Variants in ATP8B4 observed in about 807,000 individuals in gnomAD.
ATP8B4 encodes the protein ATPase phospholipid transporting 8B4 (putative).
Under a neutral mutation model 145.6 loss-of-function variants are expected in ATP8B4, and 133 were observed. That is an observed-to-expected ratio of 0.91 (90% confidence interval 0.79 to 1.05). The LOEUF is 1.05. Ranked by LOEUF, ATP8B4 falls within the 50% of genes least tolerant of loss-of-function variation. The pLI is 0.00. For synonymous variants in ATP8B4, 507 were observed against 492.9 expected (o/e 1.03, Z -0.38); for missense variants, 1,458 against 1,425.2 (o/e 1.02, Z -0.37).
At position 50,140,817 on chromosome 15, in the gene ATP8B4, C is replaced by G. The variant is rs2044196448; in HGVS notation, c.-42-33809G>C. ...ACATAGGGACTTTTAGGCCCCACTC[C>G]TGGAGATTCGAATTCTGTAGTTCTG... is the stretch of plus-strand genomic sequence containing the variant. On this transcript the variant is annotated intron_variant, in intron 1 of 3. Coordinates refer to the ATP8B4 transcript ENST00000558829. Among the ~76,000 whole-genome samples, 3 of 152,206 alleles carry G rather than the reference C, an allele frequency of 2.0e-5. No homozygotes were observed. In the South Asian group the frequency reaches 6.2e-4, roughly 31 times the overall value.
intron 13 of ATP8B4, among the ~76,000 whole-genome samples, chr15:49,962,354 T>C (rs2153508801): frequency 6.6e-6 from 1 of 152,354 alleles, no homozygotes; most frequent in South Asian, 2.1e-4. Context: ...TTCCACATCA[T>C]TCCCACTGTT....
At chr15:49,935,862 G>A (rs1332301301) in intron 14 of ATP8B4, among the ~76,000 whole-genome samples, 1 of 151,886 alleles carries the variant, frequency 6.6e-6, no homozygotes, top group African/African-American at 2.4e-5. Flanking sequence ...GATTATTTCT[G>A]CAACTCTAAG....
intron 6 of ATP8B4, chr15:50,019,114 A>T: frequency 2.1e-6 from 1 of 470,474 alleles, no homozygotes; most frequent in South Asian, 1.6e-5. Context: ...TTTTAGGAAC[A>T]ATCTTGACAC....
intron 1 of ATP8B4, among the ~76,000 whole-genome samples, chr15:50,114,103 CTTTTT>C (rs755159123): frequency 2.0e-4 from 11 of 55,656 alleles, no homozygotes; most frequent in East Asian, 5.9e-4. Context: ...CTCCTAGTTT[CTTTTT>C]TTTTTTTTTT....
intron 13 of ATP8B4, among the ~76,000 whole-genome samples, chr15:49,972,125 C>G (rs561156488): frequency 6.6e-6 from 1 of 151,872 alleles, no homozygotes; most frequent in Non-Finnish European, 1.5e-5. Context: ...AGTGTTGGGA[C>G]GTGGGAGGCT....
chr15:50,018,721 G>A (rs1465285962), intron 6 of ATP8B4, among the ~76,000 whole-genome samples: 1 of 152,158 alleles, frequency 6.6e-6, no homozygotes, highest in Non-Finnish European at 1.5e-5. Flanking sequence ...CATAAATGGT[G>A]AGCTCATCCG....
intron 3 of ATP8B4, among the ~76,000 whole-genome samples, chr15:50,047,834 A>G (rs535133873): frequency 6.6e-5 from 10 of 152,074 alleles, no homozygotes; most frequent in Non-Finnish European, 1.5e-4. Flanking sequence ...CATCTGGTCC[A>G]CCTTCCCAAA....
At chr15:49,887,554 C>T (rs1390966905) in intron 23 of ATP8B4, among the ~76,000 whole-genome samples, 3 of 151,900 alleles carry the variant, frequency 2.0e-5, no homozygotes. Context: ...CCTCTGCCTC[C>T]AAAATATTTG....
intron 23 of ATP8B4, among the ~76,000 whole-genome samples, chr15:49,884,628 A>G (rs982864203): frequency 1.2e-4 from 18 of 151,540 alleles, no homozygotes; most frequent in African/African-American, 4.8e-5. Flanking sequence ...AAAAAAAAAA[A>G]AAAGAAAGTT....
intron 23 of ATP8B4, among the ~76,000 whole-genome samples, chr15:49,882,898 T>C (rs773145982): frequency 6.6e-6 from 1 of 152,210 alleles, no homozygotes; most frequent in Non-Finnish European, 1.5e-5. Context: ...ATTTATATAC[T>C]TTTTAATATA....
chr15:49,993,407 T>A (rs4627270), intron 9 of ATP8B4, among the ~76,000 whole-genome samples: 99,598 of 151,898 alleles, frequency 0.66, 34,127 homozygotes, highest in East Asian at 0.99. Flanking sequence ...ATATTAAAAT[T>A]GAAATGTGTA....
intron 1 of ATP8B4, among the ~76,000 whole-genome samples, chr15:50,142,371 C>T (rs948959058): frequency 8.6e-5 from 13 of 151,996 alleles, no homozygotes; most frequent in Admixed American, 7.2e-4. Context: ...CGAAAGGTAC[C>T]CAACTGTATA....
chr15:50,148,979 T>A (rs758607331), intron 1 of ATP8B4, among the ~76,000 whole-genome samples: 57 of 152,344 alleles, frequency 3.7e-4, no homozygotes, highest in South Asian at 1.2e-3. Flanking sequence ...GTACTTAGTA[T>A]GTATCTCAAA....
rs1438818916 is a variant in ATP8B4, at chr15:50,010,877, T to C, written c.403A>G (p.Ile135Val). ...AATTGGTTATTTTCTAATTTAATGA[T>C]GTCTCCCACTTTGACATTCATCCAT... The part of the protein sequence containing the change: ...EKWMNVKVGD[I>V]IKLENNQFVA... Residue 135 changes from isoleucine (I) to valine (V), a missense_variant, in exon 7 of 28, where the codon ATC becomes GTC. Transcript: ENST00000284509. 6.4e-7 allele frequency: 1 copy of C among 1,565,396 alleles called. No homozygotes were observed.
At chr15:50,094,709 C>A (rs994709723) in intron 2 of ATP8B4, among the ~76,000 whole-genome samples, 9 of 94,794 alleles carry the variant, frequency 9.5e-5, no homozygotes, top group East Asian at 9.2e-4. Context: ...TATATATATA[C>A]TACTATATAT....
At chr15:49,871,360 A>G (rs2033640519) in intron 25 of ATP8B4, among the ~76,000 whole-genome samples, 1 of 152,240 alleles carries the variant, frequency 6.6e-6, no homozygotes, top group African/African-American at 2.4e-5. Flanking sequence ...TTTGTTCCAG[A>G]TAACACTGGA....
intron 14 of ATP8B4, among the ~76,000 whole-genome samples, chr15:49,960,569 A>C (rs1229690834): frequency 6.6e-6 from 1 of 152,210 alleles, no homozygotes; most frequent in African/African-American, 2.4e-5. Context: ...CTAAGATTTA[A>C]ATGTAAAACA....
intron 9 of ATP8B4, among the ~76,000 whole-genome samples, chr15:49,991,263 A>G (rs985164018): frequency 6.6e-6 from 1 of 152,208 alleles, no homozygotes; most frequent in Non-Finnish European, 1.5e-5. Flanking sequence ...AAAGAACCAC[A>G]AAATATACAA....
intron 7 of ATP8B4, among the ~76,000 whole-genome samples, chr15:50,002,764 GAGC>G (rs1356460775): frequency 5.3e-5 from 8 of 152,196 alleles, no homozygotes; most frequent in Middle Eastern, 6.8e-3. Context: ...AGAAAGAGGA[GAGC>G]TAAGATAAAG....
Sources: allele counts gnomAD v4.1 joint callset (sites outside exome capture counted in the v4.1 genomes callset), GRCh38; gene constraint gnomAD v4.1.1; transcripts MANE v1.5; gene names NCBI Gene and HGNC (gene_info 2026-07-23, HGNC 2026-07-21).